The following SPECC1 variants were observed in gnomAD, a reference collection of about 807,000 sequenced individuals.
SPECC1 encodes sperm antigen with calponin homology and coiled-coil domains 1.
Under a neutral mutation model 104.1 loss-of-function variants are expected in SPECC1, and 62 were observed. The observed-to-expected ratio is 0.60, with a 90% CI of 0.49 to 0.74. The LOEUF is 0.74. Among genes scored for constraint, SPECC1 ranks in the 30% least tolerant of loss-of-function variants. SPECC1 has a pLI of 0.00. For missense variants in SPECC1, 1,306 were observed against 1,310.5 expected (o/e 1.00, Z 0.05); for synonymous variants, 513 against 501.6 (o/e 1.02, Z -0.30).
intron 8 of SPECC1, among the ~76,000 whole-genome samples, chr17:20,246,666 A>G (rs2039434509): frequency 6.6e-6 from 1 of 152,230 alleles, no homozygotes; most frequent in Non-Finnish European, 1.5e-5. Context: ...ATGCGTAGCT[A>G]TACTTCATAC....
chr17:20,216,769 A>G (rs1459974092), intron 4 of SPECC1, among the ~76,000 whole-genome samples: 2 of 152,132 alleles, frequency 1.3e-5, no homozygotes, highest in South Asian at 2.1e-4. Context: ...AAATTGAGAG[A>G]TGCATGAGAG....
At chr17:20,067,170 CTTTCTTT>C (rs1346762068) in intron 1 of SPECC1, 2 of 152,014 alleles carry the variant, frequency 1.3e-5, no homozygotes, top group Non-Finnish European at 2.9e-5. Flanking sequence ...GATAACCATT[CTTTCTTT>C]TTTCTTTTTT....
intron 3 of SPECC1, among the ~76,000 whole-genome samples, chr17:20,131,883 C>T (rs2049660096): frequency 6.6e-6 from 1 of 152,124 alleles, no homozygotes; most frequent in Non-Finnish European, 1.5e-5. Flanking sequence ...CTCCTGAGCT[C>T]AGGCAATCCC....
rs1182688253 is a variant in SPECC1 at position 20,314,086 on chromosome 17, C to T, written c.*21C>T. ...CGTAACCCTGGAGGGCCTGGGGCAG[C>T]CACCATTGCCACCTACTGCAGCTTT... On this transcript the variant is annotated 3_prime_UTR_variant, in exon 15 of 15. Coordinates refer to ENST00000395527, the MANE Select transcript of SPECC1 (RefSeq NM_001243439.2). The T allele has an allele frequency of 1.9e-6, 3 of 1,599,830 alleles. No individual in the cohort carries two copies. Among genetic ancestry groups the T allele is most frequent in the Admixed American group, 1.7e-5 (1 of 59,690 alleles).
At chr17:20,189,519 G>T (rs2035511846) in intron 3 of SPECC1, among the ~76,000 whole-genome samples, 1 of 152,160 alleles carries the variant, frequency 6.6e-6, no homozygotes, top group South Asian at 2.1e-4. Flanking sequence ...GGTTGTGTGG[G>T]CCGCCTGCTA....
At position 20,313,355 on chromosome 17, in the gene SPECC1, C is replaced by G. The variant is rs1332173950; in HGVS notation, c.3118-621C>G. On this transcript the variant is annotated intron_variant, in intron 14 of 14. Coordinates refer to ENST00000395527, the MANE Select transcript of SPECC1 (RefSeq NM_001243439.2). ...GTTCAAGGCTTTTGTGATAATCCCA[C>G]TCAGTAATTTATCTTGAGGGACTAG... Among the ~76,000 whole-genome samples the G allele has an allele frequency of 2.6e-5, 4 of 152,358 alleles. No homozygotes were observed. In the South Asian group the frequency reaches 8.3e-4, roughly 32 times the overall value.
chr17:20,223,758 T>C (rs560266815), intron 4 of SPECC1, among the ~76,000 whole-genome samples: 27 of 152,344 alleles, frequency 1.8e-4, no homozygotes, highest in African/African-American at 6.0e-4. Context: ...TTGAATTTCA[T>C]TGAGCTTCCT....
At chr17:20,145,577 T>C (rs962810502) in intron 3 of SPECC1, among the ~76,000 whole-genome samples, 3 of 152,142 alleles carry the variant, frequency 2.0e-5, no homozygotes, top group Non-Finnish European at 2.9e-5. Flanking sequence ...CAGTATCTCT[T>C]TAAGAATAAG....
intron 1 of SPECC1, among the ~76,000 whole-genome samples, chr17:20,048,295 G>A (rs935114055): frequency 3.3e-5 from 5 of 151,750 alleles, no homozygotes; most frequent in African/African-American, 4.8e-5. Context: ...CACCACGCCC[G>A]GCTAATTTTT....
chr17:20,232,692 C>T (rs1164117891), intron 7 of SPECC1, among the ~76,000 whole-genome samples: 2 of 152,138 alleles, frequency 1.3e-5, no homozygotes, highest in Non-Finnish European at 2.9e-5. Context: ...TAGAATGCTC[C>T]CTGAATCTTA....
At chr17:20,245,873 TC>T in intron 7 of SPECC1, 52 bp from the exon 8 acceptor site, 1 of 1,594,816 alleles carries the variant, frequency 6.3e-7, no homozygotes. Flanking sequence ...TGTCTTTTTC[TC>T]CCATGGGGAT....
chr17:20,064,292 ACAC>A (rs565419035), intron 1 of SPECC1, among the ~76,000 whole-genome samples: 433 of 152,308 alleles, frequency 2.8e-3, no homozygotes, highest in Middle Eastern at 0.02. Context: ...GAGAACGGGC[ACAC>A]CACCAAGTGT....
chr17:20,185,573 G>A (rs1383884374), intron 3 of SPECC1, among the ~76,000 whole-genome samples: 1 of 152,130 alleles, frequency 6.6e-6, no homozygotes, highest in East Asian at 1.9e-4. Context: ...ATTCCTGACC[G>A]GCAAAATGAT....
intron 1 of SPECC1, among the ~76,000 whole-genome samples, chr17:20,013,585 T>C (rs1411844717): frequency 6.6e-6 from 1 of 152,284 alleles, no homozygotes; most frequent in East Asian, 1.9e-4. Flanking sequence ...CACTGCGACC[T>C]CCGGCTTTCG....
At chr17:20,103,102 G>T (rs1399015643) in intron 2 of SPECC1, among the ~76,000 whole-genome samples, 1 of 152,190 alleles carries the variant, frequency 6.6e-6, no homozygotes, top group Non-Finnish European at 1.5e-5. Context: ...TCAGCCCTTG[G>T]CCACTAAACT....
intron 1 of SPECC1, among the ~76,000 whole-genome samples, chr17:20,025,600 A>G (rs1408350670): frequency 6.6e-6 from 1 of 152,134 alleles, no homozygotes; most frequent in East Asian, 1.9e-4. Context: ...CATGTTATTT[A>G]CCTGTTCATC....
intron 3 of SPECC1, among the ~76,000 whole-genome samples, chr17:20,135,804 G>T (rs962663845): frequency 6.6e-6 from 1 of 152,180 alleles, no homozygotes; most frequent in Non-Finnish European, 1.5e-5. Flanking sequence ...GGAACCATGT[G>T]TGGGGGACCA....
chr17:20,098,832 G>C (rs2047780559), intron 2 of SPECC1, among the ~76,000 whole-genome samples: 1 of 152,194 alleles, frequency 6.6e-6, no homozygotes, highest in South Asian at 2.1e-4. Context: ...CTCATGGCTG[G>C]AAAGTAAGCC....
intron 3 of SPECC1, among the ~76,000 whole-genome samples, chr17:20,157,978 A>G (rs903127820): frequency 2.0e-5 from 3 of 152,204 alleles, no homozygotes; most frequent in African/African-American, 7.2e-5. Flanking sequence ...ATTCGTGGTA[A>G]AAACTTTAAA....
Sources: gnomAD v4.1 joint callset for allele counts (sites outside exome capture counted in the v4.1 genomes callset) on GRCh38, gnomAD v4.1.1 for gene constraint, MANE v1.5 for transcripts, NCBI Gene and HGNC (gene_info 2026-07-23, HGNC 2026-07-21) for gene names.